The following TNXB variants were observed in gnomAD, a reference collection of about 807,000 sequenced individuals.
TNXB encodes tenascin-X.
In TNXB, 183 loss-of-function variants were observed where a neutral mutation model predicts 340.5. That is an observed-to-expected ratio of 0.54 (90% CI 0.48 to 0.61). The LOEUF is 0.61. Ranked by LOEUF, TNXB falls within the 20% of genes least tolerant of loss-of-function variation. The pLI is 0.00. For synonymous variants in TNXB, 2,121 were observed against 2,314.5 expected (o/e 0.92, Z 2.40); for missense variants, 4,613 against 5,446.4 (o/e 0.85, Z 4.82).
In TNXB at chr6:32,061,564, G is replaced by A. The variant is rs763850103; in HGVS notation, c.7325C>T (p.Thr2442Ile). Residue 2442 changes from threonine to isoleucine, a missense_variant, in exon 21 of 44, where the codon ACC (threonine) becomes ATC (isoleucine). Physicochemically the swap from Thr to Ile is moderately conservative, Grantham distance 89. Around this residue, in one of 7 missense-constraint regions of TNXB, gnomAD observed 4,327 missense variants for 4,859.4 expected, o/e 0.89. Coordinates refer to ENST00000644971, the MANE Select transcript of TNXB (RefSeq NM_001365276.2). The surrounding 1 kb of genome is among the most constrained non-coding windows in gnomAD (Gnocchi z 4.4). Reference sequence around the variant, plus strand: ...CCCGTCCCTGTCCTTGTACTGCACGGTGAAGGAGTCGAAGCGGCCCTGGGG... The same window carrying A: ...CCCGTCCCTGTCCTTGTACTGCACGATGAAGGAGTCGAAGCGGCCCTGGGG... ...TVPQGRFDSF[T>I]VQYKDRDGRP... The A allele has an allele frequency of 4.3e-6, 7 of 1,613,512 alleles. No homozygotes were observed. Among genetic ancestry groups the A allele is most frequent in the Non-Finnish European group, 5.9e-6 (7 of 1,179,900 alleles).
rs757903814 is a variant in TNXB at position 32,073,723 on chromosome 6, C to T, written c.4605G>A (p.Glu1535=). 3 of 1,612,108 alleles carry T rather than the reference C, an allele frequency of 1.9e-6. No homozygotes were observed. Among genetic ancestry groups the T allele is most frequent in the Admixed American group, 1.7e-5 (1 of 59,940 alleles). The part of the protein sequence containing the change: ...REVTVYNLEP[E]RKYKMNMYGL... Reference sequence around the variant, plus strand: ...CATACATGTTCATCTTATATTTTCTCTCAGGCTCCAGGTTGTAGACTGTGA... The same window carrying T: ...CATACATGTTCATCTTATATTTTCTTTCAGGCTCCAGGTTGTAGACTGTGA... The change falls in exon 12 of 44, where the codon GAG becomes GAA. Residue 1535 remains glutamate (E), a synonymous_variant. Coordinates refer to ENST00000644971, the MANE Select transcript of TNXB (RefSeq NM_001365276.2). The surrounding 1 kb of genome is among the most constrained non-coding windows in gnomAD (Gnocchi z 4.6).
chr6:32,042,688 C>T lies in TNXB; in HGVS notation c.12058+11G>A, dbSNP rs562705617. On this transcript the variant is annotated intron_variant, in intron 39 of 43. Coordinates refer to ENST00000644971, the MANE Select transcript of TNXB (RefSeq NM_001365276.2). ...CCCAGCCCCCGGCCCCGGGCCCGTG[C>T]GTCCAGGTACCCGTGGTGAAAGAGG... 0.015 allele frequency: 18,558 copies of T among 1,204,244 alleles called. 224 individuals carry two copies. Among genetic ancestry groups the T allele is most frequent in the Non-Finnish European group, 0.019 (16,477 of 860,986 alleles). The allele number at this position is 1,204,244 out of a possible 1,614,324, so 74.6% of individuals were successfully genotyped here.
chr6:32,073,793 T>A lies in TNXB; in HGVS notation c.4535A>T (p.Asp1512Val), dbSNP rs1778916308. 1.9e-6 allele frequency: 3 copies of A among 1,612,320 alleles called. No individual in the cohort carries two copies. The African/African-American group carries it at 4.0e-5, about 22-fold the overall frequency. ...CACCGGCACCACCTGGGGCTGCCCG[T>A]CCTTGTCCTTGTACTGGACTATGAA... ...DSFIVQYKDK[D>V]GQPQVVPVAA... The change falls in exon 12 of 44, where the codon GAC becomes GTC. Residue 1512 changes from aspartate (D) to valine (V), a missense_variant. Asp to Val is a radical substitution (Grantham distance 152). Transcript: ENST00000644971. The surrounding 1 kb of genome is among the most constrained non-coding windows in gnomAD (Gnocchi z 4.6).
In TNXB at chr6:32,069,461, T is replaced by G; in HGVS notation, c.5587+92A>C. ...ACTTTCTGGATCAATGGAAATGATATAAAATGGGAAGCTCAGAGATCTTAT... is the reference window on the plus strand; with the variant it reads ...ACTTTCTGGATCAATGGAAATGATAGAAAATGGGAAGCTCAGAGATCTTAT... On this transcript the variant is annotated intron_variant, in intron 15 of 43. Transcript: ENST00000644971. This position sits in a 1 kb window ranked among gnomAD's most constrained non-coding sequence, Gnocchi z 6.2. 7.2e-7 allele frequency: 1 copy of G among 1,397,458 alleles called. No individual in the cohort carries two copies. The highest frequency in any genetic ancestry group is 9.5e-7 in the Non-Finnish European group (1 of 1,051,024). 86.6% of individuals were successfully genotyped at this position (1,397,458 alleles called of 1,614,324 possible). A position where few individuals can be genotyped will look rare whatever the true frequency, so the allele number is the denominator to read the frequency against.
Position 32,072,132 on chromosome 6 carries a change from C to T in TNXB, c.4848G>A (p.Gly1616=), listed in dbSNP as rs190967484. 16,829 of 1,613,086 alleles carry T rather than the reference C, an allele frequency of 0.01. 132 individuals carry two copies. The highest frequency in any genetic ancestry group is 0.011 in the Non-Finnish European group (12,637 of 1,179,514). ...SFVVQYKDRD[G]QPQVVPVAAD... is the part of the protein sequence containing the mutation. The stretch of plus-strand genomic sequence containing the variant: ...CAGCCACGGGCACCACCTGGGGCTG[C>T]CCGTCCCTGTCCTTGTACTGAACCA... Residue 1616 remains glycine, a synonymous_variant, in exon 13 of 44, where the codon GGG becomes GGA. Transcript: ENST00000644971. This position sits in a 1 kb window ranked among gnomAD's most constrained non-coding sequence, Gnocchi z 4.4.
At position 32,084,080 on chromosome 6, in the gene TNXB, C is replaced by T. The variant is rs1194053797; in HGVS notation, c.3445+333G>A. Among the ~76,000 whole-genome samples, 2 of 152,186 alleles carry T rather than the reference C, an allele frequency of 1.3e-5. No homozygotes were observed. Among genetic ancestry groups the T allele is most frequent in the Non-Finnish European group, 2.9e-5 (2 of 68,022 alleles). ...CCTTCAGAGGCCCTCTAGGGGCCTTCGAATGAGGCCCAAGCCCCTCAGCAC... is the reference window on the plus strand; with the variant it reads ...CCTTCAGAGGCCCTCTAGGGGCCTTTGAATGAGGCCCAAGCCCCTCAGCAC... On this transcript the variant is annotated intron_variant, in intron 8 of 43. Coordinates refer to ENST00000644971, the MANE Select transcript of TNXB (RefSeq NM_001365276.2). This position sits in a 1 kb window ranked among gnomAD's most constrained non-coding sequence, Gnocchi z 5.5.
chr6:32,054,074 C>T (rs1410932989), intron 24 of TNXB, among the ~76,000 whole-genome samples: 1 of 152,162 alleles, frequency 6.6e-6, no homozygotes, highest in Non-Finnish European at 1.5e-5. Flanking sequence ...AAGCTCAGCA[C>T]ACTCCTCCCG....
rs772050814 is a variant in TNXB, at chr6:32,069,051, C to T, written c.5673G>A (p.Glu1891=). The T allele has an allele frequency of 6.2e-7, 1 of 1,612,816 alleles. No homozygotes were observed. Among genetic ancestry groups the T allele is most frequent in the South Asian group, 1.1e-5 (1 of 91,084 alleles). Residue 1891 remains glutamate, a synonymous_variant, in exon 16 of 44, where the codon GAG becomes GAA. Transcript: ENST00000644971. This position sits in a 1 kb window ranked among gnomAD's most constrained non-coding sequence, Gnocchi z 6.2. ...AGAGATGCAGGGTGTGTGACGTGGC[C>T]TCCTCCACTGTCAACTCCCCGAGGT... ...EPHLGELTVE[E]ATSHTLHLSW...
At chr6:32,071,394 C>T (rs983100027) in intron 13 of TNXB, among the ~76,000 whole-genome samples, 1 of 151,986 alleles carries the variant, frequency 6.6e-6, no homozygotes. Context: ...GTTCCTGGCT[C>T]CCCTCGCCCC....
At position 32,085,867 on chromosome 6, in the gene TNXB, C is replaced by A; in HGVS notation, c.3031G>T (p.Asp1011Tyr). The change falls in exon 7 of 44, where the codon GAC becomes TAC. Residue 1011 changes from aspartate (D) to tyrosine (Y), a missense_variant. Asp to Tyr is a radical substitution (Grantham distance 160). This residue lies in a region of TNXB where 4,327 missense variants were observed against 4,859.4 expected (regional missense o/e 0.89). Coordinates refer to ENST00000644971, the MANE Select transcript of TNXB (RefSeq NM_001365276.2). This position sits in a 1 kb window ranked among gnomAD's most constrained non-coding sequence, Gnocchi z 6.4. ...GGAGGCACCAGAGCCTGGCGGACGT[C>A]CCCTGGCAGCACTTCCTCATGTGCC... Reference protein sequence around the residue: ...PGAHEEVLPGDVRQALVPPPP... With the variant: ...PGAHEEVLPGYVRQALVPPPP... 2 of 1,608,812 alleles carry A rather than the reference C, an allele frequency of 1.2e-6. No individual in the cohort carries two copies. The highest frequency in any genetic ancestry group is 1.1e-5 in the South Asian group (1 of 90,192).
rs140665128 is a variant in TNXB at position 32,086,087 on chromosome 6, G to A, written c.2811C>T (p.Thr937=). ...AGGGGCCTGAGGGAGGAGGCTCATC[G>A]GTAGTCCCCAAGAGGCCCAAGGGTG... ...GSSPLGLLGT[T]DEPPPSGPST... is the part of the protein sequence containing the mutation. The change falls in exon 7 of 44, where the codon ACC becomes ACT. Residue 937 remains threonine (T), a synonymous_variant. Transcript: ENST00000644971. 5.1e-6 allele frequency: 8 copies of A among 1,563,900 alleles called. No homozygotes were observed. The highest frequency in any genetic ancestry group is 6.9e-6 in the Non-Finnish European group (8 of 1,154,820).
In TNXB at chr6:32,063,061, A is replaced by G. The variant is rs189411525; in HGVS notation, c.6842-578T>C. On this transcript the variant is annotated intron_variant, in intron 19 of 43. Transcript: ENST00000644971. ...CAGCGAGACTCCTTCTCAAGAAAAA[A>G]ACAAACAAACAAAAACAAACAAACA... 1.5e-4 allele frequency among the ~76,000 whole-genome samples: 23 copies of G among 150,866 alleles called. No homozygotes were observed. The East Asian group carries it at 2.0e-3, about 13-fold the overall frequency.
Position 32,049,818 on chromosome 6 carries a change from C to G in TNXB, c.9439+180G>C, listed in dbSNP as rs528953083. ...ACAGCAAAACTCCTGATGGCCCCTCCCTGCTCAGGGGGAGCCAGGGGTCAA... is the reference window on the plus strand; with the variant it reads ...ACAGCAAAACTCCTGATGGCCCCTCGCTGCTCAGGGGGAGCCAGGGGTCAA... On this transcript the variant is annotated intron_variant, in intron 27 of 43. Transcript: ENST00000644971. The surrounding 1 kb of genome is among the most constrained non-coding windows in gnomAD (Gnocchi z 4.5). Among the ~76,000 whole-genome samples, 1 of 152,144 alleles carries G rather than the reference C, an allele frequency of 6.6e-6. No homozygotes were observed. Among genetic ancestry groups the G allele is most frequent in the Non-Finnish European group, 1.5e-5 (1 of 68,000 alleles).
In TNXB at chr6:32,058,255, G is replaced by C; in HGVS notation, c.7628C>G (p.Thr2543Ser). Reference sequence around the variant, plus strand: ...GGAGTCAAAGCGGCCCTGGGGGACGGTCCAGGAAAGGCTCAGCGAGTCAGG... The same window carrying C: ...GGAGTCAAAGCGGCCCTGGGGGACGCTCCAGGAAAGGCTCAGCGAGTCAGG... ...SSPDSLSLSW[T>S]VPQGRFDSFT... The change falls in exon 22 of 44, where the codon ACC becomes AGC. Residue 2543 changes from threonine (T) to serine (S), a missense_variant. This residue lies in a region of TNXB where 4,327 missense variants were observed against 4,859.4 expected (regional missense o/e 0.89). Coordinates refer to ENST00000644971, the MANE Select transcript of TNXB (RefSeq NM_001365276.2). The surrounding 1 kb of genome is among the most constrained non-coding windows in gnomAD (Gnocchi z 5.1). 6.2e-7 allele frequency: 1 copy of C among 1,612,468 alleles called. No individual in the cohort carries two copies. Among genetic ancestry groups the C allele is most frequent in the Non-Finnish European group, 8.5e-7 (1 of 1,179,864 alleles).
rs761059304 is a variant in TNXB, at chr6:32,097,298, C to T, written c.555G>A (p.Gly185=). The T allele has an allele frequency of 2.0e-5, 33 of 1,613,486 alleles. No individual in the cohort carries two copies. Among genetic ancestry groups the T allele is most frequent in the Middle Eastern group, 1.6e-4 (1 of 6,084 alleles). The part of the protein sequence containing the change: ...IPPSSPPSAS[G]SCPDDCNDQG... ...GATCATTGCAGTCATCTGGGCAGGA[C>T]CCCGAGGCTGAGGGTGGGGAAGAGG... Residue 185 remains glycine, a synonymous_variant, in exon 3 of 44, where the codon GGG becomes GGA. Transcript: ENST00000644971. This position sits in a 1 kb window ranked among gnomAD's most constrained non-coding sequence, Gnocchi z 5.9.
rs1032730932 is a variant in TNXB at position 32,072,192 on chromosome 6, T to C, written c.4788A>G (p.Ser1596=). ...CGAATTCACCCTCAGGGACTGTCCA[T>C]GAGAGGCCCACAGAGTCAGGGGTTA... ...TDITPDSVGL[S]WTVPEGEFDS... The change falls in exon 13 of 44, where the codon TCA becomes TCG. Residue 1596 remains serine (S), a synonymous_variant. Transcript: ENST00000644971. This position sits in a 1 kb window ranked among gnomAD's most constrained non-coding sequence, Gnocchi z 4.4. The C allele has an allele frequency of 6.2e-7, 1 of 1,612,756 alleles. No homozygotes were observed. Among genetic ancestry groups the C allele is most frequent in the Non-Finnish European group, 8.5e-7 (1 of 1,179,440 alleles).
chr6:32,073,941 C>G lies in TNXB; in HGVS notation c.4387G>C (p.Glu1463Gln). The change falls in exon 12 of 44, where the codon GAA becomes CAA. Residue 1463 changes from glutamate (E) to glutamine (Q), a missense_variant. Coordinates refer to ENST00000644971, the MANE Select transcript of TNXB (RefSeq NM_001365276.2). The surrounding 1 kb of genome is among the most constrained non-coding windows in gnomAD (Gnocchi z 4.6). ...SAVGVTAPQQ[E>Q]ETPPATESPL... ...GACTCAGTGGCTGGAGGGGTCTCTTCTTGTTGTGGGGCTGGGACAGAGATG... is the reference window on the plus strand; with the variant it reads ...GACTCAGTGGCTGGAGGGGTCTCTTGTTGTTGTGGGGCTGGGACAGAGATG... The G allele has an allele frequency of 6.3e-7, 1 of 1,596,154 alleles. No individual in the cohort carries two copies. The highest frequency in any genetic ancestry group is 8.5e-7 in the Non-Finnish European group (1 of 1,169,682).
chr6:32,089,224 G>A lies in TNXB; in HGVS notation c.2514C>T (p.Thr838=), dbSNP rs749197089. 1.3e-6 allele frequency: 2 copies of A among 1,597,952 alleles called. No homozygotes were observed. Among genetic ancestry groups the A allele is most frequent in the Non-Finnish European group, 1.7e-6 (2 of 1,171,672 alleles). The change falls in exon 5 of 44, where the codon ACC becomes ACT. Residue 838 remains threonine (T), a splice_region_variant and synonymous_variant. Coordinates refer to ENST00000644971, the MANE Select transcript of TNXB (RefSeq NM_001365276.2). This position sits in a 1 kb window ranked among gnomAD's most constrained non-coding sequence, Gnocchi z 6.2. ...WGLPASKTIT[T]MIDGPQDLRV... is the part of the protein sequence containing the mutation. ...CCTCCCCACAGCCCCAGCTCTCACT[G>A]GTGGTGATGGTCTTGGAGGCAGGAA...
At chr6:32,103,913 T>C (rs1780851160) in intron 1 of TNXB, among the ~76,000 whole-genome samples, 1 of 152,176 alleles carries the variant, frequency 6.6e-6, no homozygotes, top group Admixed American at 6.5e-5. Context: ...TTATTTTTAG[T>C]AGAGACGAGG....
Sources: allele counts gnomAD v4.1 joint callset (sites outside exome capture counted in the v4.1 genomes callset), GRCh38; gene constraint gnomAD v4.1.1; regional missense constraint gnomAD v4.1.1; non-coding constraint Gnocchi (gnomAD v3.1); transcripts MANE v1.5; gene names NCBI Gene and HGNC (gene_info 2026-07-23, HGNC 2026-07-21).